Variants in CSMD1 observed in about 807,000 individuals in gnomAD.
CSMD1 encodes CUB and Sushi multiple domains 1, also known as CUB and sushi domain-containing protein 1.
A neutral mutation model predicts 417.5 loss-of-function variants in CSMD1; 213 were observed. The ratio of observed to expected loss-of-function variants is 0.51; its 90% CI spans 0.46 to 0.57. The LOEUF is 0.57. Among genes scored for constraint, CSMD1 ranks in the 20% least tolerant of loss-of-function variants. CSMD1 has a pLI of 0.00. For synonymous variants in CSMD1, 2,862 were observed against 1,736.8 expected (o/e 1.65, Z -16.11); for missense variants, 6,923 against 4,529.7 (o/e 1.53, Z -15.17).
intron 1 of CSMD1, among the ~76,000 whole-genome samples, chr8:4,853,056 G>C (rs1479373956): frequency 6.6e-6 from 1 of 152,162 alleles, no homozygotes. Context: ...GGGAAGCAGA[G>C]CATAAACATT....
intron 3 of CSMD1, among the ~76,000 whole-genome samples, chr8:4,383,644 C>T (rs1803249950): frequency 6.6e-6 from 1 of 152,108 alleles, no homozygotes; most frequent in Admixed American, 6.6e-5. Context: ...CTATGTACTT[C>T]AGTGTTCAGA....
intron 10 of CSMD1, among the ~76,000 whole-genome samples, chr8:3,563,692 C>A (rs1368170923): frequency 6.6e-6 from 1 of 152,036 alleles, no homozygotes; most frequent in African/African-American, 2.4e-5. Flanking sequence ...AGTTCGAGAC[C>A]AGCCTGGCCA....
At chr8:4,015,965 A>G (rs1036062263) in intron 4 of CSMD1, among the ~76,000 whole-genome samples, 1 of 152,174 alleles carries the variant, frequency 6.6e-6, no homozygotes, top group Non-Finnish European at 1.5e-5. Context: ...TTGCCGTTGG[A>G]GGGAAATGTA....
At chr8:4,896,129 G>A (rs1056856235) in intron 1 of CSMD1, among the ~76,000 whole-genome samples, 1 of 151,990 alleles carries the variant, frequency 6.6e-6, no homozygotes, top group African/African-American at 2.4e-5. Flanking sequence ...GCTACTTTTA[G>A]TAGCATAAAT....
chr8:3,982,329 C>T (rs1023629093), intron 5 of CSMD1, among the ~76,000 whole-genome samples: 1 of 151,754 alleles, frequency 6.6e-6, no homozygotes, highest in African/African-American at 2.4e-5. Flanking sequence ...TCCTTCTCTG[C>T]CTCAATATTC....
intron 2 of CSMD1, among the ~76,000 whole-genome samples, chr8:4,614,590 C>G (rs1801367337): frequency 6.6e-6 from 1 of 152,000 alleles, no homozygotes; most frequent in Admixed American, 6.6e-5. Context: ...ACAGGAACAA[C>G]CAGAGGAAAG....
At chr8:4,523,896 A>G (rs1019355580) in intron 2 of CSMD1, among the ~76,000 whole-genome samples, 5 of 152,152 alleles carry the variant, frequency 3.3e-5, no homozygotes, top group African/African-American at 9.7e-5. Context: ...TACAAAGCCA[A>G]TCATGATGCT....
intron 39 of CSMD1, among the ~76,000 whole-genome samples, chr8:3,154,806 G>C (rs570789828): frequency 1.2e-4 from 19 of 152,252 alleles, no homozygotes; most frequent in African/African-American, 4.3e-4. Context: ...CTCTTCATTA[G>C]TACTTTTATT....
At chr8:3,437,348 T>C (rs761195125) in intron 12 of CSMD1, among the ~76,000 whole-genome samples, 1 of 152,328 alleles carries the variant, frequency 6.6e-6, no homozygotes, top group Non-Finnish European at 1.5e-5. Context: ...GGAAATCTTA[T>C]CTATGAGGTA....
At chr8:4,878,246 G>T (rs1231679288) in intron 1 of CSMD1, among the ~76,000 whole-genome samples, 1 of 151,992 alleles carries the variant, frequency 6.6e-6, no homozygotes, top group Non-Finnish European at 1.5e-5. Flanking sequence ...GTCAGGGAAG[G>T]AAAGGAAAAA....
chr8:3,377,920 T>C (rs898163686), intron 18 of CSMD1, among the ~76,000 whole-genome samples: 10 of 152,220 alleles, frequency 6.6e-5, no homozygotes, highest in African/African-American at 1.9e-4. Flanking sequence ...TCTCTTTCTA[T>C]CTAACTTTAT....
intron 3 of CSMD1, among the ~76,000 whole-genome samples, chr8:4,037,048 C>G (rs545425960): frequency 2.0e-5 from 3 of 151,726 alleles, no homozygotes; most frequent in Non-Finnish European, 2.9e-5. Flanking sequence ...ACCTGGCACC[C>G]GGAGCTGCTG....
At chr8:3,445,162 C>A (rs182962873) in intron 12 of CSMD1, among the ~76,000 whole-genome samples, 15 of 152,288 alleles carry the variant, frequency 9.8e-5, no homozygotes, top group Admixed American at 6.5e-5. Flanking sequence ...CAATCACAAT[C>A]ATAACACAGT....
intron 1 of CSMD1, among the ~76,000 whole-genome samples, chr8:4,740,746 C>T (rs1810550755): frequency 2.0e-5 from 3 of 152,150 alleles, no homozygotes; most frequent in African/African-American, 4.8e-5. Flanking sequence ...GAGCAAGATC[C>T]TGTCTCAAAA....
intron 5 of CSMD1, among the ~76,000 whole-genome samples, chr8:3,967,255 C>CT (rs1280632049): frequency 1.4e-5 from 2 of 146,736 alleles, no homozygotes; most frequent in East Asian, 4.3e-4. Context: ...AATTCTTCTG[C>CT]TTTTTTAATT....
chr8:3,003,292 T>C (rs1329878158), intron 52 of CSMD1, among the ~76,000 whole-genome samples: 2 of 152,232 alleles, frequency 1.3e-5, no homozygotes, highest in Non-Finnish European at 2.9e-5. Flanking sequence ...TATTAGTCTA[T>C]GATAGTATTA....
intron 12 of CSMD1, among the ~76,000 whole-genome samples, chr8:3,459,352 G>A (rs370099369): frequency 1.0e-3 from 155 of 152,266 alleles, no homozygotes; most frequent in African/African-American, 3.7e-3. Flanking sequence ...CAACACAGCG[G>A]CCGTAATATG....
At chr8:4,670,738 A>C (rs768760188) in intron 1 of CSMD1, among the ~76,000 whole-genome samples, 1 of 152,214 alleles carries the variant, frequency 6.6e-6, no homozygotes, top group Non-Finnish European at 1.5e-5. Context: ...GTTGGCTCTA[A>C]GTGGTTGAGA....
rs529902646 is a variant in CSMD1 at position 4,177,983 on chromosome 8, C to G, written c.416-145884G>C. ...AGTCCAGGATCATATGGACTCACAG[C>G]CAAATTCTACCAGAGTTACAAGGAG... On this transcript the variant is annotated intron_variant, in intron 3 of 69. Transcript: ENST00000635120. Among the ~76,000 whole-genome samples, 67 of 152,238 alleles carry G rather than the reference C, an allele frequency of 4.4e-4. 2 individuals carry two copies. The South Asian group carries it at 0.013, about 29-fold the overall frequency.
Sources: allele counts gnomAD v4.1 joint callset (sites outside exome capture counted in the v4.1 genomes callset), GRCh38; gene constraint gnomAD v4.1.1; transcripts MANE v1.5; gene names NCBI Gene and HGNC (gene_info 2026-07-23, HGNC 2026-07-21).